Variants in ASIC2 observed in about 807,000 individuals in gnomAD.
The protein encoded by ASIC2 is acid sensing ion channel subunit 2.
ASIC2 carries 25 observed loss-of-function variants against 57.3 expected under a neutral mutation model. The observed-to-expected ratio is 0.44, with a 90% confidence interval of 0.32 to 0.61. The LOEUF is 0.61. Ranked by LOEUF, ASIC2 falls within the 20% of genes least tolerant of loss-of-function variation. The probability of loss-of-function intolerance (pLI) is 0.06; values close to 1 mark genes in which losing one functional copy is unlikely to be tolerated. For synonymous variants in ASIC2, 319 were observed against 307.5 expected, an observed-to-expected ratio of 1.04 and a Z score of -0.39; for missense variants, 641 against 738.1, an observed-to-expected ratio of 0.87 and a Z score of 1.52.
intron 1 of ASIC2, among the ~76,000 whole-genome samples, chr17:33,305,549 A>T (rs1906135080): frequency 6.6e-6 from 1 of 152,248 alleles, no homozygotes; most frequent in Non-Finnish European, 1.5e-5. Context: ...ACTAAAAAAC[A>T]TAAAAAAGAT....
intron 1 of ASIC2, among the ~76,000 whole-genome samples, chr17:33,729,478 C>G (rs1316395614): frequency 2.6e-5 from 4 of 152,216 alleles, no homozygotes; most frequent in African/African-American, 4.8e-5. Flanking sequence ...TATCATTACC[C>G]CGTGTTGGAT....
chr17:34,035,093 T>A lies in ASIC2; in HGVS notation c.555+120885A>T, dbSNP rs1009976751. Among the ~76,000 whole-genome samples, 21 of 150,744 alleles carry A rather than the reference T, an allele frequency of 1.4e-4. 1 individual carries two copies. The highest frequency in any genetic ancestry group is 3.2e-3 in the Middle Eastern group (1 of 316). ...CAAAAGAAAGCTGGAGGCATCACGC[T>A]ACCTGACTTCAAACTATACTACAAG... On this transcript the variant is annotated intron_variant, in intron 1 of 9. Coordinates refer to the ASIC2 transcript ENST00000359872.
chr17:33,026,098 GC>G, intron 4 of ASIC2, 116 bp from the exon 5 acceptor site: 1 of 1,102,440 alleles, frequency 9.1e-7, no homozygotes, highest in Admixed American at 2.1e-5. Flanking sequence ...AGGGGCAGCG[GC>G]CTGCCAGTGG....
intron 1 of ASIC2, among the ~76,000 whole-genome samples, chr17:33,933,056 G>A (rs1783062592): frequency 1.3e-5 from 2 of 152,080 alleles, no homozygotes; most frequent in African/African-American, 4.8e-5. Flanking sequence ...CCTTGCACAG[G>A]CTGGTCCATG....
chr17:33,729,993 G>A (rs994817196), intron 1 of ASIC2, among the ~76,000 whole-genome samples: 2 of 152,104 alleles, frequency 1.3e-5, no homozygotes, highest in African/African-American at 2.4e-5. Flanking sequence ...ACTGCCTCAC[G>A]CTAGCAAGAT....
intron 1 of ASIC2, among the ~76,000 whole-genome samples, chr17:33,446,824 T>C (rs1176771187): frequency 6.6e-6 from 1 of 152,182 alleles, no homozygotes; most frequent in African/African-American, 2.4e-5. Flanking sequence ...CTGTGTCAAT[T>C]CTTGGCGCTG....
chr17:33,594,719 T>G (rs953466118), intron 1 of ASIC2, among the ~76,000 whole-genome samples: 2 of 151,578 alleles, frequency 1.3e-5, no homozygotes, highest in Non-Finnish European at 2.9e-5. Flanking sequence ...TCCCAGCTAC[T>G]CGGGAGGCCG....
intron 1 of ASIC2, among the ~76,000 whole-genome samples, chr17:33,325,510 G>A (rs116525072): frequency 0.03 from 4,577 of 152,236 alleles, 234 homozygotes; most frequent in African/African-American, 0.1. Flanking sequence ...GGTGCATGGG[G>A]AATGGAGAAT....
intron 1 of ASIC2, among the ~76,000 whole-genome samples, chr17:33,872,597 A>T (rs1313853342): frequency 6.6e-6 from 1 of 152,066 alleles, no homozygotes; most frequent in African/African-American, 2.4e-5. Context: ...AGAATCTCAC[A>T]CCCCAGAGAT....
intron 1 of ASIC2, among the ~76,000 whole-genome samples, chr17:33,861,344 T>C (rs1294952522): frequency 6.6e-6 from 1 of 152,222 alleles, no homozygotes; most frequent in Non-Finnish European, 1.5e-5. Context: ...AGCTATGGAA[T>C]AATGCTTTTT....
intron 1 of ASIC2, among the ~76,000 whole-genome samples, chr17:33,675,397 G>A (rs1003033903): frequency 6.6e-6 from 1 of 152,116 alleles, no homozygotes; most frequent in Non-Finnish European, 1.5e-5. Flanking sequence ...GCTCTGCACG[G>A]GCCCCGTGAT....
At chr17:34,020,782 C>T (rs1331516823) in intron 1 of ASIC2, among the ~76,000 whole-genome samples, 1 of 152,138 alleles carries the variant, frequency 6.6e-6, no homozygotes, top group Non-Finnish European at 1.5e-5. Flanking sequence ...TGCAGCCCCG[C>T]CCGCACCGTG....
At chr17:34,125,057 C>G (rs1911738076) in intron 1 of ASIC2, among the ~76,000 whole-genome samples, 1 of 151,544 alleles carries the variant, frequency 6.6e-6, no homozygotes, top group Non-Finnish European at 1.5e-5. Context: ...GGAAAAACGT[C>G]TTCCCTTCCC....
intron 1 of ASIC2, among the ~76,000 whole-genome samples, chr17:34,016,507 C>T (rs970376418): frequency 4.0e-5 from 6 of 151,292 alleles, no homozygotes; most frequent in Admixed American, 3.9e-4. Context: ...TGAAATAGGT[C>T]CCCAGATGAT....
chr17:33,968,179 C>CT lies in ASIC2; in HGVS notation c.555+187798dup, dbSNP rs540064549. 4.1e-3 allele frequency among the ~76,000 whole-genome samples: 624 copies of CT among 152,308 alleles called. 8 individuals carry two copies. Among genetic ancestry groups the CT allele is most frequent in the African/African-American group, 0.014 (598 of 41,562 alleles). Reference sequence around the variant, plus strand: ...ATGTTGCCAGAGCGAGTGGCATTTCCTGTCCTTGAGGTTAAATGACTTTCT... The same window carrying CT: ...ATGTTGCCAGAGCGAGTGGCATTTCCTTGTCCTTGAGGTTAAATGACTTTCT... On this transcript the variant is annotated intron_variant, in intron 1 of 9. Coordinates refer to the ASIC2 transcript ENST00000359872.
At chr17:33,674,600 C>T (rs1907752121) in intron 1 of ASIC2, among the ~76,000 whole-genome samples, 1 of 152,204 alleles carries the variant, frequency 6.6e-6, no homozygotes, top group Non-Finnish European at 1.5e-5. Flanking sequence ...CTATTTTCTT[C>T]ACTTTATAGA....
At chr17:33,909,965 T>C (rs548815978) in intron 1 of ASIC2, among the ~76,000 whole-genome samples, 2 of 152,264 alleles carry the variant, frequency 1.3e-5, no homozygotes, top group South Asian at 2.1e-4. Context: ...GAGCAAGTTA[T>C]TCAATTTCTG....
intron 1 of ASIC2, among the ~76,000 whole-genome samples, chr17:33,478,150 A>G (rs1316257681): frequency 6.6e-6 from 1 of 152,224 alleles, no homozygotes. Flanking sequence ...CAATATCCCA[A>G]TGACAGCACC....
chr17:33,296,470 G>A (rs1026507243), upstream of ASIC2, among the ~76,000 whole-genome samples: 1 of 152,204 alleles, frequency 6.6e-6, no homozygotes, highest in African/African-American at 2.4e-5. Flanking sequence ...AGGCAGAACA[G>A]GGGTGACCCA....
Sources: gnomAD v4.1 joint callset for allele counts (sites outside exome capture counted in the v4.1 genomes callset) on GRCh38, gnomAD v4.1.1 for gene constraint, MANE v1.5 for transcripts, NCBI Gene and HGNC (gene_info 2026-07-23, HGNC 2026-07-21) for gene names.